VWC2: variants seen among roughly 807,000 people sequenced by gnomAD.
The protein encoded by VWC2 is brorin.
Under a neutral mutation model 29.8 loss-of-function variants are expected in VWC2, and 14 were observed. That is an observed-to-expected ratio of 0.47 (90% CI 0.31 to 0.74). VWC2 has a LOEUF of 0.74. VWC2 is among the 30% of genes least tolerant of loss of function. The probability of loss-of-function intolerance (pLI) is 0.05; values close to 1 mark genes in which losing one functional copy is unlikely to be tolerated. For missense variants in VWC2, 457 were observed against 459.8 expected (o/e 0.99, Z 0.05); for synonymous variants, 213 against 199.0 (o/e 1.07, Z -0.59).
In VWC2 at chr7:49,855,077, A is replaced by T. The variant is rs368948607; in HGVS notation, c.826+52237A>T. On this transcript the variant is annotated intron_variant, in intron 3 of 3. Transcript: ENST00000340652. ...TTCTATATTTGAAAATCGAAAAATA[A>T]ATATTTTCCTTGGTACAGCTGTGAA... Among the ~76,000 whole-genome samples the T allele has an allele frequency of 1.5e-3, 236 of 152,316 alleles. 3 individuals are homozygous for T. The highest frequency in any genetic ancestry group is 5.4e-3 in the African/African-American group (226 of 41,570).
chr7:49,861,673 T>C (rs1790657938), intron 3 of VWC2, among the ~76,000 whole-genome samples: 1 of 152,228 alleles, frequency 6.6e-6, no homozygotes, highest in African/African-American at 2.4e-5. Flanking sequence ...TTTTTGTATA[T>C]GGTATGAGGT....
intron 3 of VWC2, among the ~76,000 whole-genome samples, chr7:49,885,817 G>A (rs1791879261): frequency 6.6e-6 from 1 of 152,238 alleles, no homozygotes; most frequent in African/African-American, 2.4e-5. Context: ...ACGCAGCCCT[G>A]GAGCTGAGAA....
intron 3 of VWC2, among the ~76,000 whole-genome samples, chr7:49,897,155 A>G (rs1212496312): frequency 1.3e-5 from 2 of 151,988 alleles, no homozygotes; most frequent in African/African-American, 4.8e-5. Context: ...TCGGCCTCCC[A>G]AAGTGCTGGG....
chr7:49,909,760 A>G (rs888313629), intron 3 of VWC2, among the ~76,000 whole-genome samples: 2 of 152,160 alleles, frequency 1.3e-5, no homozygotes, highest in African/African-American at 2.4e-5. Flanking sequence ...AAAGAGAAAG[A>G]GTTCAAGGGC....
intron 3 of VWC2, among the ~76,000 whole-genome samples, chr7:49,831,349 A>G (rs966512926): frequency 3.3e-5 from 5 of 152,278 alleles, no homozygotes; most frequent in African/African-American, 9.6e-5. Context: ...TTCTCAAGCA[A>G]CTGTAAAAAG....
intron 2 of VWC2, among the ~76,000 whole-genome samples, chr7:49,783,307 G>A (rs1461824021): frequency 2.6e-5 from 4 of 152,102 alleles, no homozygotes; most frequent in African/African-American, 4.8e-5. Context: ...CACTGTGAGA[G>A]CTTGGGTCAG....
chr7:49,793,331 C>A (rs976489575), intron 2 of VWC2, among the ~76,000 whole-genome samples: 2 of 151,426 alleles, frequency 1.3e-5, no homozygotes, highest in African/African-American at 4.9e-5. Flanking sequence ...TTGTTTCTAA[C>A]CCTCTTTTTT....
At chr7:49,798,674 T>C (rs1788658261) in intron 2 of VWC2, among the ~76,000 whole-genome samples, 2 of 152,224 alleles carry the variant, frequency 1.3e-5, no homozygotes, top group African/African-American at 4.8e-5. Context: ...GCTGGGTCTC[T>C]GTCAGATGTC....
intron 3 of VWC2, among the ~76,000 whole-genome samples, chr7:49,863,673 C>T (rs1306617966): frequency 5.3e-5 from 8 of 152,090 alleles, no homozygotes; most frequent in Non-Finnish European, 7.3e-5. Context: ...TCAAGCCATC[C>T]GCCCACCTCA....
intron 3 of VWC2, among the ~76,000 whole-genome samples, chr7:49,862,533 T>C (rs1790695534): frequency 6.6e-6 from 1 of 152,196 alleles, no homozygotes; most frequent in Non-Finnish European, 1.5e-5. Flanking sequence ...GAAATCCTTG[T>C]CTTGTTCCTA....
At chr7:49,845,118 G>T (rs559615135) in intron 3 of VWC2, among the ~76,000 whole-genome samples, 1 of 152,220 alleles carries the variant, frequency 6.6e-6, no homozygotes, top group South Asian at 2.1e-4. Context: ...CAACACACAC[G>T]GGGCCTGTCA....
chr7:49,885,384 A>G (rs1440131311), intron 3 of VWC2, among the ~76,000 whole-genome samples: 1 of 152,180 alleles, frequency 6.6e-6, no homozygotes, highest in African/African-American at 2.4e-5. Context: ...ATAAATATAT[A>G]CAATTATGTT....
At chr7:49,838,036 A>G (rs770902671) in intron 3 of VWC2, among the ~76,000 whole-genome samples, 2 of 152,232 alleles carry the variant, frequency 1.3e-5, no homozygotes, top group African/African-American at 4.8e-5. Context: ...AGGGAAGTCA[A>G]TGCTATCCAG....
At chr7:49,794,843 A>G (rs1303290602) in intron 2 of VWC2, among the ~76,000 whole-genome samples, 1 of 152,008 alleles carries the variant, frequency 6.6e-6, no homozygotes, top group African/African-American at 2.4e-5. Context: ...TCTCTTTTCT[A>G]CCTGTCCCAA....
intron 3 of VWC2, among the ~76,000 whole-genome samples, chr7:49,822,579 C>T (rs573943837): frequency 1.1e-4 from 17 of 152,172 alleles, no homozygotes; most frequent in African/African-American, 1.7e-4. Context: ...GCTGGGATTA[C>T]GGTCACCCAC....
intron 3 of VWC2, among the ~76,000 whole-genome samples, chr7:49,805,598 T>G (rs1460667379): frequency 6.6e-6 from 1 of 152,184 alleles, no homozygotes; most frequent in African/African-American, 2.4e-5. Context: ...TGAAAACAGT[T>G]TCTATGAAAA....
At chr7:49,828,178 G>A (rs568865208) in intron 3 of VWC2, among the ~76,000 whole-genome samples, 70 of 152,180 alleles carry the variant, frequency 4.6e-4, no homozygotes, top group Non-Finnish European at 9.3e-4. Context: ...AGTTTCATCC[G>A]TGCTGTGCCT....
chr7:49,823,655 G>A (rs1017198431), intron 3 of VWC2, among the ~76,000 whole-genome samples: 1 of 152,148 alleles, frequency 6.6e-6, no homozygotes, highest in Non-Finnish European at 1.5e-5. Flanking sequence ...AAGTAGATGT[G>A]GTGGTGGCTT....
chr7:49,811,036 T>G (rs1335910814), intron 3 of VWC2, among the ~76,000 whole-genome samples: 1 of 152,070 alleles, frequency 6.6e-6, no homozygotes, highest in Admixed American at 6.6e-5. Context: ...AATGAAAAAT[T>G]TTTGCATCTC....
Sources: allele counts gnomAD v4.1 joint callset (sites outside exome capture counted in the v4.1 genomes callset), GRCh38; gene constraint gnomAD v4.1.1; transcripts MANE v1.5; gene names NCBI Gene and HGNC (gene_info 2026-07-23, HGNC 2026-07-21).